Variants in MS4A18 observed in about 807,000 individuals in gnomAD.
MS4A18 encodes the protein membrane-spanning 4-domains subfamily A member 18.
A neutral mutation model predicts 13.1 loss-of-function variants in MS4A18; 27 were observed. The ratio of observed to expected loss-of-function variants is 2.06; its 90% CI spans 1.52 to 2.84. The LOEUF (loss-of-function observed/expected upper bound fraction) is 2.84. MS4A18 is among the 30% of genes most tolerant of loss of function. MS4A18 has a pLI of 0.00. For missense variants in MS4A18, 307 were observed against 196.4 expected, an observed-to-expected ratio of 1.56 and a Z score of -3.37; for synonymous variants, 126 against 76.5, an observed-to-expected ratio of 1.65 and a Z score of -3.38.
chr11:60,734,423 G>C (rs908187660), intron 2 of MS4A18, among the ~76,000 whole-genome samples: 2 of 152,118 alleles, frequency 1.3e-5, no homozygotes, highest in African/African-American at 4.8e-5. Context: ...GCCATGTTGG[G>C]TATACATACG....
chr11:60,725,287 G>A (rs1035367483), upstream of MS4A18, among the ~76,000 whole-genome samples: 6 of 152,134 alleles, frequency 3.9e-5, no homozygotes, highest in Non-Finnish European at 7.4e-5. Flanking sequence ...TCCACCTCCC[G>A]GTTTCAGGCC....
upstream of MS4A18, among the ~76,000 whole-genome samples, chr11:60,725,545 C>T (rs1853142078): frequency 1.3e-5 from 2 of 152,138 alleles, no homozygotes; most frequent in African/African-American, 4.8e-5. Context: ...GAACATCCCT[C>T]ATAGGGCCCA....
intron 1 of MS4A18, among the ~76,000 whole-genome samples, chr11:60,732,074 G>T (rs1228042933): frequency 6.6e-6 from 1 of 152,130 alleles, no homozygotes; most frequent in East Asian, 1.9e-4. Flanking sequence ...GAAAGCAGCT[G>T]CCCTAGGCTA....
chr11:60,726,206 T>C (rs1278789957), upstream of MS4A18, among the ~76,000 whole-genome samples: 3 of 151,942 alleles, frequency 2.0e-5, no homozygotes, highest in Non-Finnish European at 4.4e-5. Flanking sequence ...AAGAGGCGGG[T>C]CGGATCAAAA....
intron 2 of MS4A18, among the ~76,000 whole-genome samples, chr11:60,734,350 C>A (rs752770463): frequency 2.0e-5 from 3 of 152,208 alleles, no homozygotes; most frequent in Non-Finnish European, 4.4e-5. Flanking sequence ...TTATGGGAGC[C>A]GACTGCAAAA....
exon 1 of MS4A18, chr11:60,729,350 C>T: frequency 1.4e-6 from 1 of 702,834 alleles, no homozygotes; most frequent in Non-Finnish European, 2.6e-6. Flanking sequence ...AACAGTGTAC[C>T]TGGCATTATT....
chr11:60,729,486 A>G (rs780089138), exon 1 of MS4A18: 1 of 702,844 alleles, frequency 1.4e-6, no homozygotes, highest in East Asian at 2.7e-5. Flanking sequence ...CAGGAAGAGC[A>G]AACTTACAGA....
chr11:60,730,681 C>A (rs1010525445), intron 1 of MS4A18, among the ~76,000 whole-genome samples: 1 of 152,188 alleles, frequency 6.6e-6, no homozygotes, highest in East Asian at 1.9e-4. Context: ...GGGACCCATT[C>A]CTCCTTATTT....
exon 1 of MS4A18, chr11:60,729,765 TGAG>T (rs1853225348): frequency 1.4e-6 from 1 of 701,280 alleles, no homozygotes; most frequent in South Asian, 1.5e-5. Flanking sequence ...AATTCATAAA[TGAG>T]GAGGTCAGAA....
At chr11:60,728,942 C>G (rs1853207696), upstream of MS4A18, among the ~76,000 whole-genome samples, 1 of 152,182 alleles carries the variant, frequency 6.6e-6, no homozygotes, top group Admixed American at 6.5e-5. Flanking sequence ...TGTTCACCCC[C>G]AGATCAATCA....
chr11:60,736,894 G>T, intron 2 of MS4A18, 84 bp from the exon 4 acceptor site: 1 of 672,188 alleles, frequency 1.5e-6, no homozygotes, highest in South Asian at 1.6e-5. Flanking sequence ...TAAAGATTGA[G>T]AAATGCGTCT....
upstream of MS4A18, among the ~76,000 whole-genome samples, chr11:60,728,261 C>T (rs1399929560): frequency 6.6e-6 from 1 of 152,086 alleles, no homozygotes; most frequent in Non-Finnish European, 1.5e-5. Flanking sequence ...ACACAAAATG[C>T]CTTAATTAAA....
At chr11:60,732,428 T>C (rs1193641027) in intron 1 of MS4A18, among the ~76,000 whole-genome samples, 1 of 151,960 alleles carries the variant, frequency 6.6e-6, no homozygotes, top group African/African-American at 2.4e-5. Flanking sequence ...CAGAGGGCAT[T>C]GAAATACTTA....
upstream of MS4A18, among the ~76,000 whole-genome samples, chr11:60,725,602 C>T (rs1853144211): frequency 6.6e-6 from 1 of 151,982 alleles, no homozygotes; most frequent in Non-Finnish European, 1.5e-5. Context: ...GTTTTTCACA[C>T]ATTAAAGAAG....
chr11:60,743,546 A>G (rs1447940879), intron 5 of MS4A18, 104 bp from the exon 7 acceptor site: 9 of 634,192 alleles, frequency 1.4e-5, no homozygotes, highest in Admixed American at 2.5e-5. Flanking sequence ...TCAGGGAGAG[A>G]GGGTCTACCT....
intron 5 of MS4A18, among the ~76,000 whole-genome samples, chr11:60,742,163 T>G (rs528387247): frequency 3.3e-5 from 5 of 152,336 alleles, no homozygotes; most frequent in African/African-American, 1.2e-4. Context: ...TATTGCTTCC[T>G]GAGAGGAGCT....
At position 60,736,951 on chromosome 11, in the gene MS4A18, C is replaced by CTT. The variant is rs751418835; in HGVS notation, c.592-12_592-11dup. The CTT allele has an allele frequency of 1.0e-3, 661 of 633,442 alleles. 1 individual carries two copies. The highest frequency in any genetic ancestry group is 2.0e-3 in the South Asian group (115 of 56,782). 39.2% of individuals were successfully genotyped at this position (633,442 alleles called of 1,614,324 possible). A position where few individuals can be genotyped will look rare whatever the true frequency, so the allele number is the denominator to read the frequency against. On this transcript the variant is annotated intron_variant, in intron 2 of 5. Coordinates refer to ENST00000529108, the Ensembl canonical transcript of MS4A18. ...TTAACATGCTGCACAATTGGTCATT[C>CTT]TTTTTTTTTTTTTTTTGTCTGCGTA...
chr11:60,729,546 C>T (rs1853219469), exon 1 of MS4A18: 1 of 702,626 alleles, frequency 1.4e-6, no homozygotes, highest in African/African-American at 1.7e-5. Context: ...AGAGTCAACC[C>T]ATTGGGTATC....
chr11:60,739,586 G>T (rs1447791940), intron 4 of MS4A18, among the ~76,000 whole-genome samples: 2 of 152,160 alleles, frequency 1.3e-5, no homozygotes, highest in African/African-American at 4.8e-5. Context: ...GCCAGGGAAT[G>T]ATATGTGCCT....
Sources: gnomAD v4.1 joint callset for allele counts (sites outside exome capture counted in the v4.1 genomes callset) on GRCh38, gnomAD v4.1.1 for gene constraint, MANE v1.5 for transcripts, NCBI Gene and HGNC (gene_info 2026-07-23, HGNC 2026-07-21) for gene names.